TBC1D8: variants seen among roughly 807,000 people sequenced by gnomAD.
TBC1D8 encodes TBC1 domain family member 8.
A neutral mutation model predicts 118.8 loss-of-function variants in TBC1D8; 65 were observed. That is an observed-to-expected ratio of 0.55 (90% CI 0.45 to 0.67). The LOEUF (loss-of-function observed/expected upper bound fraction) is 0.67. Among genes scored for constraint, TBC1D8 ranks in the 30% least tolerant of loss-of-function variants. TBC1D8 has a pLI of 0.00. For synonymous variants in TBC1D8, 566 were observed against 595.8 expected (o/e 0.95, Z 0.73); for missense variants, 1,376 against 1,471.2 (o/e 0.94, Z 1.06).
chr2:101,095,325 T>C (rs1316544278), intron 1 of TBC1D8, among the ~76,000 whole-genome samples: 1 of 147,500 alleles, frequency 6.8e-6, no homozygotes, highest in Non-Finnish European at 1.5e-5. Context: ...TATGTATACA[T>C]GTGCCATGTT....
chr2:101,123,847 C>T (rs1233420629), intron 1 of TBC1D8, among the ~76,000 whole-genome samples: 1 of 152,176 alleles, frequency 6.6e-6, no homozygotes, highest in Non-Finnish European at 1.5e-5. Context: ...ATGGCCTCTC[C>T]CTGTGGGTCA....
chr2:101,012,304 T>C (rs1295812478), intron 17 of TBC1D8, among the ~76,000 whole-genome samples: 1 of 152,208 alleles, frequency 6.6e-6, no homozygotes, highest in East Asian at 1.9e-4. Context: ...CACCCAAATG[T>C]TGAATAAATT....
chr2:101,010,226 A>T (rs530971030), intron 19 of TBC1D8, among the ~76,000 whole-genome samples: 21 of 152,302 alleles, frequency 1.4e-4, no homozygotes, highest in South Asian at 1.0e-3. Context: ...TTTCTGGAAG[A>T]TGCTCAGAAG....
chr2:101,070,473 C>T (rs1361625975), intron 2 of TBC1D8, among the ~76,000 whole-genome samples: 2 of 149,878 alleles, frequency 1.3e-5, no homozygotes, highest in East Asian at 3.9e-4. Flanking sequence ...AGTGCAGTGG[C>T]ACAATATCAG....
rs1417916062 is a variant in TBC1D8, at chr2:101,134,039, A to G, written c.127+17088T>C. On this transcript the variant is annotated intron_variant, in intron 1 of 19. Coordinates refer to ENST00000409318, the MANE Select transcript of TBC1D8 (RefSeq NM_001330348.2). ...GATCCAATCACCTCCCTCCCTCGAC[A>G]TGTGGGGATTACAATTTGAGATGAG... is the stretch of plus-strand genomic sequence containing the variant. 6.6e-5 allele frequency among the ~76,000 whole-genome samples: 10 copies of G among 152,314 alleles called. No individual in the cohort carries two copies. The East Asian group carries it at 1.9e-3, about 29-fold the overall frequency.
chr2:101,073,259 T>C (rs944754921), intron 2 of TBC1D8, among the ~76,000 whole-genome samples: 9 of 142,876 alleles, frequency 6.3e-5, no homozygotes, highest in African/African-American at 2.7e-4. Context: ...TACATTGTTT[T>C]ATTTTTTTTA....
intron 15 of TBC1D8, among the ~76,000 whole-genome samples, chr2:101,026,055 C>T (rs1178140228): frequency 6.6e-6 from 1 of 152,164 alleles, no homozygotes; most frequent in African/African-American, 2.4e-5. Context: ...CTTTTTTAAT[C>T]TTTCCTATGA....
At position 101,103,671 on chromosome 2, in the gene TBC1D8, C is replaced by T. The variant is rs188796686; in HGVS notation, c.128-13307G>A. ...CCTCCCAAAGTGCTGGGATTACAGG[C>T]GTGAGCCACCGCGCATGGCCAGAAC... On this transcript the variant is annotated intron_variant, in intron 1 of 19. Transcript: ENST00000409318. Among the ~76,000 whole-genome samples the T allele has an allele frequency of 1.8e-3, 271 of 152,140 alleles. 2 individuals are homozygous for T. The highest frequency in any genetic ancestry group is 3.9e-3 in the East Asian group (20 of 5,180).
At chr2:101,087,484 A>C (rs1675714605) in intron 2 of TBC1D8, among the ~76,000 whole-genome samples, 1 of 151,994 alleles carries the variant, frequency 6.6e-6, no homozygotes, top group African/African-American at 2.4e-5. Context: ...TCTACTAAAA[A>C]TACAAAATAT....
At chr2:101,120,762 C>T (rs1027251265) in intron 1 of TBC1D8, among the ~76,000 whole-genome samples, 1 of 152,222 alleles carries the variant, frequency 6.6e-6, no homozygotes, top group African/African-American at 2.4e-5. Context: ...GCCCCATGGG[C>T]AGTGACTCAT....
chr2:101,017,258 T>G (rs757726139), intron 17 of TBC1D8, among the ~76,000 whole-genome samples: 2 of 152,148 alleles, frequency 1.3e-5, no homozygotes, highest in African/African-American at 2.4e-5. Context: ...TGCCTGAGGC[T>G]GTTTTACAGT....
chr2:101,063,245 A>T (rs1305569137), intron 2 of TBC1D8, among the ~76,000 whole-genome samples: 1 of 152,260 alleles, frequency 6.6e-6, no homozygotes, highest in African/African-American at 2.4e-5. Flanking sequence ...TATGGAATTA[A>T]GATTTGAGAC....
At chr2:101,071,086 T>A (rs537229337) in intron 2 of TBC1D8, among the ~76,000 whole-genome samples, 1 of 152,214 alleles carries the variant, frequency 6.6e-6, no homozygotes, top group South Asian at 2.1e-4. Context: ...ATGCCTGTAA[T>A]CCCAGCACTT....
intron 1 of TBC1D8, among the ~76,000 whole-genome samples, chr2:101,129,819 G>A (rs1190016498): frequency 1.3e-5 from 2 of 151,838 alleles, no homozygotes; most frequent in East Asian, 3.9e-4. Flanking sequence ...GCAGGAGAAT[G>A]GTGTGAACCC....
intron 17 of TBC1D8, among the ~76,000 whole-genome samples, chr2:101,016,779 A>G (rs1441220102): frequency 6.6e-6 from 1 of 152,216 alleles, no homozygotes; most frequent in Non-Finnish European, 1.5e-5. Context: ...TTGTAGGGAC[A>G]TGGATGAAAT....
chr2:101,075,864 C>T (rs1189317489), intron 2 of TBC1D8, among the ~76,000 whole-genome samples: 2 of 152,148 alleles, frequency 1.3e-5, no homozygotes, highest in Non-Finnish European at 2.9e-5. Flanking sequence ...TTAATTGAAA[C>T]ACAGTGAATA....
chr2:101,078,505 C>T (rs988081644), intron 2 of TBC1D8, among the ~76,000 whole-genome samples: 1 of 151,982 alleles, frequency 6.6e-6, no homozygotes, highest in African/African-American at 2.4e-5. Flanking sequence ...CCATATTTTT[C>T]AGAGATGTTT....
At chr2:101,042,855 G>A (rs1681466033) in intron 5 of TBC1D8, among the ~76,000 whole-genome samples, 3 of 151,936 alleles carry the variant, frequency 2.0e-5, no homozygotes, top group African/African-American at 7.3e-5. Flanking sequence ...CTCTGGAATC[G>A]GCTGCACACA....
rs1161582322 is a variant in TBC1D8, at chr2:101,033,217, A to G, written c.1818+327T>C. Among the ~76,000 whole-genome samples the G allele has an allele frequency of 2.0e-5, 3 of 151,812 alleles. No individual in the cohort carries two copies. In the South Asian group the frequency reaches 6.2e-4, roughly 31 times the overall value. ...CCGCAACCTGCGACTCCCTGGTTCA[A>G]GTGATTCTCCTGCCTCAGCCTCCTG... On this transcript the variant is annotated intron_variant, in intron 10 of 19. Transcript: ENST00000409318.
Sources: allele counts gnomAD v4.1 joint callset (sites outside exome capture counted in the v4.1 genomes callset), GRCh38; gene constraint gnomAD v4.1.1; transcripts MANE v1.5; gene names NCBI Gene and HGNC (gene_info 2026-07-23, HGNC 2026-07-21).